Variants in CELF2 observed in about 807,000 individuals in gnomAD.
CELF2 encodes CUGBP Elav-like family member 2.
Under a neutral mutation model 62.6 loss-of-function variants are expected in CELF2, and 8 were observed. The observed-to-expected ratio is 0.13, with a 90% CI of 0.07 to 0.23. The LOEUF is 0.23. CELF2 is among the 10% of genes least tolerant of loss of function. CELF2 has a pLI of 1.00. For synonymous variants in CELF2, 258 were observed against 250.0 expected (o/e 1.03, Z -0.30); for missense variants, 333 against 671.0 (o/e 0.50, Z 5.56).
At chr10:11,134,021 G>A (rs72773960) in intron 1 of CELF2, among the ~76,000 whole-genome samples, 8,971 of 152,238 alleles carry the variant, frequency 0.059, 306 homozygotes, top group Non-Finnish European at 0.075. Context: ...CTGGAATTCC[G>A]TATTATTGTA....
At chr10:11,078,026 G>T (rs774816383) in intron 1 of CELF2, among the ~76,000 whole-genome samples, 1 of 152,136 alleles carries the variant, frequency 6.6e-6, no homozygotes, top group South Asian at 2.1e-4. Flanking sequence ...AGTGACCTGC[G>T]TAGGTAGGCT....
At chr10:10,601,725 CT>C in the CELF2 span, among the ~76,000 whole-genome samples, 966 of 139,500 alleles carry the variant, frequency 6.9e-3, no homozygotes, top group Middle Eastern at 0.014. Flanking sequence ...TGGGTTCATT[CT>C]TTTTTTTTTT....
chr10:10,535,028 G>T, the CELF2 span, among the ~76,000 whole-genome samples: 1 of 152,186 alleles, frequency 6.6e-6, no homozygotes, highest in Admixed American at 6.5e-5. Context: ...ATCAGCCTTA[G>T]TATATGTATG....
At chr10:11,236,228 T>C (rs891093717) in intron 3 of CELF2, among the ~76,000 whole-genome samples, 5 of 152,226 alleles carry the variant, frequency 3.3e-5, no homozygotes, top group Admixed American at 2.0e-4. Context: ...GTCAGAAGGT[T>C]CAAGATAAAA....
At chr10:11,291,006 A>G (rs914145979) in intron 9 of CELF2, among the ~76,000 whole-genome samples, 1 of 152,202 alleles carries the variant, frequency 6.6e-6, no homozygotes, top group Admixed American at 6.5e-5. Flanking sequence ...ATGAATCTCC[A>G]CTTCATCAAG....
At chr10:10,478,397 A>G in the CELF2 span, among the ~76,000 whole-genome samples, 7 of 152,338 alleles carry the variant, frequency 4.6e-5, no homozygotes, top group African/African-American at 1.4e-4. Flanking sequence ...ACAAACATGT[A>G]CCAGAAAATT....
chr10:10,970,772 G>A (rs1316090088), intron 2 of CELF2: 2 of 152,076 alleles, frequency 1.3e-5, no homozygotes, highest in African/African-American at 4.8e-5. Flanking sequence ...TACAGGATTT[G>A]GGTTTGTTCT....
chr10:10,550,412 TG>T, the CELF2 span, among the ~76,000 whole-genome samples: 1 of 152,278 alleles, frequency 6.6e-6, no homozygotes, highest in South Asian at 2.1e-4. Flanking sequence ...GAGTCATCAA[TG>T]GGCTCACTGT....
chr10:11,095,556 C>T (rs185349076), intron 1 of CELF2, among the ~76,000 whole-genome samples: 8 of 152,292 alleles, frequency 5.3e-5, no homozygotes, highest in Admixed American at 4.6e-4. Context: ...GTTTAACAGG[C>T]ATATAAGCTT....
At position 11,063,592 on chromosome 10, in the gene CELF2, G is replaced by A. The variant is rs1406002922; in HGVS notation, c.74+45429G>A. ...ACTCAATAAAATGCCTTAGAATATA[G>A]TTACAGATTTTAAATGTGAAATCTA... On this transcript the variant is annotated intron_variant, in intron 1 of 12. Transcript: ENST00000633077. Among the ~76,000 whole-genome samples the A allele has an allele frequency of 2.6e-5, 4 of 152,334 alleles. No homozygotes were observed. The South Asian group carries it at 8.3e-4, about 32-fold the overall frequency.
intron 2 of CELF2, among the ~76,000 whole-genome samples, chr10:10,971,051 T>A (rs2050699966): frequency 6.6e-6 from 1 of 152,198 alleles, no homozygotes; most frequent in Non-Finnish European, 1.5e-5. Context: ...AAAGTTGTTT[T>A]TTGGGTGTAC....
chr10:10,490,022 A>T, the CELF2 span, among the ~76,000 whole-genome samples: 1 of 152,054 alleles, frequency 6.6e-6, no homozygotes, highest in Non-Finnish European at 1.5e-5. Flanking sequence ...ACTAACATAA[A>T]CCTTTGTTAT....
chr10:10,941,815 G>A (rs566624222), intron 2 of CELF2, among the ~76,000 whole-genome samples: 26 of 152,062 alleles, frequency 1.7e-4, no homozygotes, highest in Non-Finnish European at 3.1e-4. Flanking sequence ...CCAACATAGT[G>A]AAATTCCTTT....
At chr10:10,795,203 C>G (rs77140763), upstream of CELF2, among the ~76,000 whole-genome samples, 2 of 149,460 alleles carry the variant, frequency 1.3e-5, no homozygotes, top group Non-Finnish European at 3.0e-5. Context: ...CTGGTACTAT[C>G]AGGACAATCA....
At chr10:11,235,556 T>A (rs2070885355) in intron 3 of CELF2, among the ~76,000 whole-genome samples, 1 of 152,176 alleles carries the variant, frequency 6.6e-6, no homozygotes, top group African/African-American at 2.4e-5. Flanking sequence ...AAGGTAGAAA[T>A]CAAAATGAGT....
At chr10:10,512,467 C>T in the CELF2 span, among the ~76,000 whole-genome samples, 2 of 133,290 alleles carry the variant, frequency 1.5e-5, no homozygotes, top group African/African-American at 5.7e-5. Flanking sequence ...AGTGCAGTGG[C>T]GTGATCTCTG....
At chr10:10,863,395 T>C (rs968811104) in intron 1 of CELF2, among the ~76,000 whole-genome samples, 1 of 152,140 alleles carries the variant, frequency 6.6e-6, no homozygotes, top group Admixed American at 6.5e-5. Flanking sequence ...GCTTTTACAT[T>C]TGTTATCTGT....
At chr10:11,230,331 A>G (rs1222920663) in intron 3 of CELF2, among the ~76,000 whole-genome samples, 1 of 152,228 alleles carries the variant, frequency 6.6e-6, no homozygotes, top group African/African-American at 2.4e-5. Flanking sequence ...ATCCTGGGTG[A>G]CATGGATACA....
intron 3 of CELF2, among the ~76,000 whole-genome samples, chr10:11,218,772 G>C (rs1214817165): frequency 1.3e-5 from 2 of 152,148 alleles, no homozygotes; most frequent in East Asian, 1.9e-4. Context: ...TGTTTTTATT[G>C]AGTCTAAGTG....
Sources: gnomAD v4.1 joint callset for allele counts (sites outside exome capture counted in the v4.1 genomes callset) on GRCh38, gnomAD v4.1.1 for gene constraint, MANE v1.5 for transcripts, NCBI Gene and HGNC (gene_info 2026-07-23, HGNC 2026-07-21) for gene names.